Variants in TDRD12 observed in about 807,000 individuals in gnomAD.
TDRD12 encodes putative ATP-dependent RNA helicase TDRD12.
A neutral mutation model predicts 133.5 loss-of-function variants in TDRD12; 158 were observed. The ratio of observed to expected loss-of-function variants is 1.18; its 90% confidence interval spans 1.04 to 1.35. TDRD12 has a LOEUF of 1.35. Among genes scored for constraint, TDRD12 ranks in the 40% most tolerant of loss-of-function variants. TDRD12 has a pLI of 0.00. For missense variants in TDRD12, 1,443 were observed against 1,321.3 expected, an observed-to-expected ratio of 1.09 and a Z score of -1.43; for synonymous variants, 460 against 477.9, an observed-to-expected ratio of 0.96 and a Z score of 0.49.
At chr19:32,810,953 A>T (rs1966982304) in intron 23 of TDRD12, among the ~76,000 whole-genome samples, 1 of 152,150 alleles carries the variant, frequency 6.6e-6, no homozygotes. Context: ...TGAGACTTTA[A>T]TTTGCTATGT....
intron 7 of TDRD12, 142 bp downstream of exon 7, chr19:32,756,323 G>A: frequency 1.4e-6 from 1 of 717,016 alleles, no homozygotes; most frequent in Non-Finnish European, 2.0e-6. Context: ...ATGAGGCTGT[G>A]ACACATTGTA....
intron 17 of TDRD12, 50 bp downstream of exon 17, chr19:32,800,408 TTGG>T (rs933302772): frequency 2.5e-5 from 34 of 1,344,010 alleles, no homozygotes; most frequent in African/African-American, 8.8e-5. Flanking sequence ...TGTGTATGTG[TTGG>T]TGGGGGGCTG....
exon 1 of TDRD12, chr19:32,720,072 G>A: frequency 1.9e-6 from 3 of 1,548,532 alleles, no homozygotes; most frequent in Non-Finnish European, 2.6e-6. Flanking sequence ...GCGCCAGGAG[G>A]ATGCTCCAGC....
chr19:32,720,214 C>T, intron 1 of TDRD12, 118 bp downstream of exon 1: 1 of 1,157,552 alleles, frequency 8.6e-7, no homozygotes, highest in Non-Finnish European at 1.2e-6. Context: ...CCCACCGCAG[C>T]CCCGCACAGC....
intron 11 of TDRD12, among the ~76,000 whole-genome samples, chr19:32,779,298 G>T (rs1436638476): frequency 6.6e-6 from 1 of 152,200 alleles, no homozygotes; most frequent in Non-Finnish European, 1.5e-5. Context: ...TGACACCTGT[G>T]GTTTTCTTTT....
At chr19:32,724,051 G>T (rs1324259165) in intron 1 of TDRD12, among the ~76,000 whole-genome samples, 2 of 151,912 alleles carry the variant, frequency 1.3e-5, no homozygotes, top group East Asian at 3.9e-4. Flanking sequence ...TAGAGACAGG[G>T]TCTCACTGTG....
At chr19:32,740,421 C>G (rs571880380) in intron 3 of TDRD12, among the ~76,000 whole-genome samples, 2 of 149,764 alleles carry the variant, frequency 1.3e-5, no homozygotes, top group South Asian at 4.3e-4. Flanking sequence ...CTCCTGGGTG[C>G]TCTCTGCATC....
chr19:32,800,322 C>A, exon 17 of TDRD12: 1 of 1,526,288 alleles, frequency 6.6e-7, no homozygotes, highest in African/African-American at 1.4e-5. Context: ...TGATCACAGC[C>A]ATGGAAGAGG....
exon 22 of TDRD12, chr19:32,807,647 A>C: frequency 6.6e-7 from 1 of 1,523,786 alleles, no homozygotes; most frequent in Non-Finnish European, 8.8e-7. Flanking sequence ...GGATACATTA[A>C]AGTAGGTTTG....
intron 27 of TDRD12, among the ~76,000 whole-genome samples, chr19:32,818,756 G>A (rs533958418): frequency 6.6e-6 from 1 of 152,274 alleles, no homozygotes; most frequent in Admixed American, 6.5e-5. Context: ...TAGCCAGCAG[G>A]TGGAGGGAAG....
intron 2 of TDRD12, among the ~76,000 whole-genome samples, chr19:32,735,394 G>C (rs1339366996): frequency 6.6e-6 from 1 of 152,202 alleles, no homozygotes; most frequent in Admixed American, 6.5e-5. Flanking sequence ...TCCAGAGCAA[G>C]GCCCTAACTC....
At chr19:32,731,846 A>G (rs1462749581) in exon 2 of TDRD12, 1 of 1,549,616 alleles carries the variant, frequency 6.5e-7, no homozygotes, top group Admixed American at 2.0e-5. Flanking sequence ...ACGTGTCAAG[A>G]TATAGAAATA....
At chr19:32,746,908 G>GAA (rs1253100766) in intron 4 of TDRD12, among the ~76,000 whole-genome samples, 25 of 142,778 alleles carry the variant, frequency 1.8e-4, no homozygotes, top group East Asian at 2.2e-4. Flanking sequence ...GAGAGAGAGA[G>GAA]GGAGAGACTG....
intron 20 of TDRD12, 61 bp downstream of exon 20, chr19:32,802,850 C>G: frequency 6.5e-7 from 1 of 1,531,408 alleles, no homozygotes. Flanking sequence ...ATGATAAGCT[C>G]AGAGTCCACA....
At chr19:32,800,660 T>C in exon 18 of TDRD12, 3 of 1,535,428 alleles carry the variant, frequency 2.0e-6, no homozygotes, top group Non-Finnish European at 2.6e-6. Flanking sequence ...CATCTTTGCC[T>C]AGAATGTGAA....
chr19:32,760,662 A>G (rs917171955), intron 8 of TDRD12, among the ~76,000 whole-genome samples: 2 of 152,162 alleles, frequency 1.3e-5, no homozygotes, highest in African/African-American at 4.8e-5. Flanking sequence ...TTCACTTTAG[A>G]CATTGTCTTG....
chr19:32,778,435 CT>C (rs1364321538), intron 11 of TDRD12, among the ~76,000 whole-genome samples: 3 of 151,600 alleles, frequency 2.0e-5, no homozygotes, highest in Non-Finnish European at 4.4e-5. Context: ...TTATTTCTTT[CT>C]TTTATTATTT....
At chr19:32,820,217 A>G (rs1171414894) in intron 27 of TDRD12, among the ~76,000 whole-genome samples, 1 of 152,040 alleles carries the variant, frequency 6.6e-6, no homozygotes, top group African/African-American at 2.4e-5. Context: ...CCTCCTTCTC[A>G]CAGGTTTGTG....
intron 2 of TDRD12, among the ~76,000 whole-genome samples, chr19:32,734,063 G>A (rs969624853): frequency 6.6e-6 from 1 of 151,268 alleles, no homozygotes; most frequent in African/African-American, 2.4e-5. Flanking sequence ...GGCTAATTTC[G>A]TTTTTGTATT....
Sources: gnomAD v4.1 joint callset for allele counts (sites outside exome capture counted in the v4.1 genomes callset) on GRCh38, gnomAD v4.1.1 for gene constraint, MANE v1.5 for transcripts, NCBI Gene and HGNC (gene_info 2026-07-23, HGNC 2026-07-21) for gene names.